The following PVALEF variants were observed in gnomAD, a reference collection of about 807,000 sequenced individuals.
PVALEF encodes the protein parvalbumin like EF-hand containing.
PVALEF carries 2 observed loss-of-function variants against 1.2 expected under a neutral mutation model. That is an observed-to-expected ratio of 1.68 (90% CI 0.69 to 5.28). The LOEUF (loss-of-function observed/expected upper bound fraction) is 5.28, where lower values mean the gene tolerates loss of function less well. Ranked by LOEUF, PVALEF falls within the 30% of genes most tolerant of loss-of-function variation. The pLI is 0.06. For synonymous variants in PVALEF, 16 were observed against 6.5 expected, an observed-to-expected ratio of 2.47 and a Z score of -2.24; for missense variants, 35 against 17.7, an observed-to-expected ratio of 1.97 and a Z score of -1.75.
rs2061495967 is a variant in PVALEF, at chr17:81,166,689, C to A, written c.-495C>A. ...GCCTCACTTGCAGGTTTCGAGGCGGCTGGCAGCCGCCCCCCCACCCCATGC... is the reference window on the plus strand; with the variant it reads ...GCCTCACTTGCAGGTTTCGAGGCGGATGGCAGCCGCCCCCCCACCCCATGC... On this transcript the variant is annotated 5_prime_UTR_variant, in exon 2 of 7. In the 5' UTR this introduces an upstream ATG that the reference lacks. Transcript: ENST00000637878. 1 of 454,346 alleles carries A rather than the reference C, an allele frequency of 2.2e-6. No individual in the cohort carries two copies. Among genetic ancestry groups the A allele is most frequent in the Non-Finnish European group, 4.4e-6 (1 of 226,736 alleles). The allele number at this position is 454,346 out of a possible 1,614,324, so 28.1% of individuals were successfully genotyped here. A position where few individuals can be genotyped will look rare whatever the true frequency, so the allele number is the denominator to read the frequency against.
At chr17:81,181,369 G>A (rs962653465) in intron 4 of PVALEF, 37 bp downstream of exon 4, 17 of 627,408 alleles carry the variant, frequency 2.7e-5, no homozygotes, top group Middle Eastern at 2.5e-4. Flanking sequence ...CCCCCCGCCC[G>A]TCCAGCCCCG....
chr17:81,170,063 T>C (rs1038830074), intron 2 of PVALEF, among the ~76,000 whole-genome samples: 1 of 151,362 alleles, frequency 6.6e-6, no homozygotes, highest in Non-Finnish European at 1.5e-5. Context: ...TGTGTGTTGG[T>C]GTGTATGTGT....
In PVALEF at chr17:81,175,736, C is replaced by G. The variant is rs184445379; in HGVS notation, c.-339-3182C>G. Reference sequence around the variant, plus strand: ...GCTGGGAAAACTAGATGTCCACATGCAAAATAATGAAATTGGGCCCTTACC... The same window carrying G: ...GCTGGGAAAACTAGATGTCCACATGGAAAATAATGAAATTGGGCCCTTACC... On this transcript the variant is annotated intron_variant, in intron 2 of 6. Coordinates refer to ENST00000637878, the MANE Select transcript of PVALEF (RefSeq NM_001354639.2). Among the ~76,000 whole-genome samples the G allele has an allele frequency of 2.0e-5, 3 of 152,256 alleles. 1 individual carries two copies. Among genetic ancestry groups the G allele is most frequent in the Admixed American group, 2.0e-4 (3 of 15,290 alleles).
intron 2 of PVALEF, among the ~76,000 whole-genome samples, chr17:81,171,957 G>A (rs539684585): frequency 7.9e-5 from 12 of 152,236 alleles, no homozygotes; most frequent in Middle Eastern, 3.4e-3. Flanking sequence ...GCACCTGCCC[G>A]TTCCCTTCTC....
intron 2 of PVALEF, among the ~76,000 whole-genome samples, chr17:81,178,543 C>T (rs2061542906): frequency 6.6e-6 from 1 of 152,160 alleles, no homozygotes; most frequent in Non-Finnish European, 1.5e-5. Flanking sequence ...GCCTCCCCAC[C>T]CCCACCGGCC....
At chr17:81,168,541 C>G (rs1483998144) in intron 2 of PVALEF, among the ~76,000 whole-genome samples, 1 of 152,186 alleles carries the variant, frequency 6.6e-6, no homozygotes, top group Non-Finnish European at 1.5e-5. Flanking sequence ...TTTGCCCACG[C>G]TGGGACAGGA....
chr17:81,168,293 C>CACAT (rs1243583887), intron 2 of PVALEF, among the ~76,000 whole-genome samples: 6 of 152,194 alleles, frequency 3.9e-5, no homozygotes, highest in African/African-American at 1.4e-4. Flanking sequence ...TGTGAACACA[C>CACAT]ACATGTACAC....
intron 2 of PVALEF, among the ~76,000 whole-genome samples, chr17:81,175,413 T>G (rs2061533348): frequency 6.6e-6 from 1 of 152,196 alleles, no homozygotes; most frequent in South Asian, 2.1e-4. Flanking sequence ...TCCCAGTGAC[T>G]TTTGCAGAAA....
In PVALEF at chr17:81,181,996, G is replaced by A. The variant is rs2061556020; in HGVS notation, c.273G>A (p.Gly91=). Residue 91 remains glycine, a synonymous_variant, in exon 6 of 7, where the codon GGG becomes GGA. Transcript: ENST00000637878. ...TCCTGTCCATCATCCCCAGCAGCGG[G>A]CCCACCACCCCGCTGACAGACGAGG... ...KYILSIIPSS[G]PTTPLTDEEA... is the part of the protein sequence containing the mutation. 8 of 398,712 alleles carry A rather than the reference G, an allele frequency of 2.0e-5. No individual in the cohort carries two copies. The East Asian group carries it at 2.8e-4, about 14-fold the overall frequency. 24.7% of individuals were successfully genotyped at this position (398,712 alleles called of 1,614,324 possible). A position where few individuals can be genotyped will look rare whatever the true frequency, so the allele number is the denominator to read the frequency against.
chr17:81,182,200 G>C (rs2061556883), intron 6 of PVALEF, 119 bp downstream of exon 6: 1 of 396,750 alleles, frequency 2.5e-6, no homozygotes, highest in South Asian at 1.4e-4. Context: ...GGAAACCCAG[G>C]CTCAGGGGTC....
chr17:81,169,913 G>A (rs984050756), intron 2 of PVALEF, among the ~76,000 whole-genome samples: 5 of 151,504 alleles, frequency 3.3e-5, no homozygotes, highest in Non-Finnish European at 7.4e-5. Flanking sequence ...GGTGTGTATC[G>A]GTTTGTGTGT....
rs796124755 is a variant in PVALEF at position 81,172,784 on chromosome 17, A to G, written c.-340+5940A>G. On this transcript the variant is annotated intron_variant, in intron 2 of 6. Coordinates refer to ENST00000637878, the MANE Select transcript of PVALEF (RefSeq NM_001354639.2). Reference sequence around the variant, plus strand: ...GTCTCAAAACAAAACAAAACAAAACAAAAAGTTGCTGGACCGTCCTCAGCT... The same window carrying G: ...GTCTCAAAACAAAACAAAACAAAACGAAAAGTTGCTGGACCGTCCTCAGCT... Among the ~76,000 whole-genome samples, 75 of 152,156 alleles carry G rather than the reference A, an allele frequency of 4.9e-4. 1 individual carries two copies. Among genetic ancestry groups the G allele is most frequent in the African/African-American group, 1.5e-3 (61 of 41,534 alleles).
Position 81,180,382 on chromosome 17 carries a change from A to G in PVALEF, c.-104-741A>G, listed in dbSNP as rs568989799. 3.3e-5 allele frequency among the ~76,000 whole-genome samples: 5 copies of G among 152,054 alleles called. No homozygotes were observed. The East Asian group carries it at 7.8e-4, about 24-fold the overall frequency. On this transcript the variant is annotated intron_variant, in intron 3 of 6. Transcript: ENST00000637878. ...GCCAGGGTTGGGGAAGGTGAGCCAG[A>G]GTCCCAGCTCTGAATGAAGTGGGGC...
At position 81,181,316 on chromosome 17, in the gene PVALEF, A is replaced by C. The variant is rs906180; in HGVS notation, c.90A>C (p.Thr30=). Residue 30 remains threonine, a synonymous_variant, in exon 4 of 7, where the codon ACA becomes ACC. Transcript: ENST00000637878. ...ACAAGGACATTGAGCTGCTGCCCACAGACATGAGACACCACGGTACAGCAT... is the reference window on the plus strand; with the variant it reads ...ACAAGGACATTGAGCTGCTGCCCACCGACATGAGACACCACGGTACAGCAT... ...LSDKDIELLP[T]DMRHHGSFNY... is the part of the protein sequence containing the mutation. The C allele has an allele frequency of 3.2e-5, 22 of 688,050 alleles. No individual in the cohort carries two copies. The East Asian group carries it at 4.3e-4, about 14-fold the overall frequency. 42.6% of individuals were successfully genotyped at this position (688,050 alleles called of 1,614,324 possible).
chr17:81,177,794 A>G (rs533340756), intron 2 of PVALEF, among the ~76,000 whole-genome samples: 1 of 152,204 alleles, frequency 6.6e-6, no homozygotes, highest in African/African-American at 2.4e-5. Context: ...TCCAAAAGCT[A>G]TTACAGATAA....
chr17:81,179,682 G>C (rs2061547111), intron 3 of PVALEF, among the ~76,000 whole-genome samples: 1 of 152,200 alleles, frequency 6.6e-6, no homozygotes, highest in African/African-American at 2.4e-5. Context: ...CCCCCGAGAG[G>C]CCTCTCTCAT....
intron 2 of PVALEF, among the ~76,000 whole-genome samples, chr17:81,178,044 TCG>T (rs2061541340): frequency 6.6e-6 from 1 of 152,290 alleles, no homozygotes; most frequent in African/African-American, 2.4e-5. Flanking sequence ...TAGACTGGAT[TCG>T]TCTCCTCATC....
Position 81,181,190 on chromosome 17 carries a change from AC to A in PVALEF, c.-33del, listed in dbSNP as rs2061552502. On this transcript the variant is annotated 5_prime_UTR_variant, in exon 4 of 7. Coordinates refer to ENST00000637878, the MANE Select transcript of PVALEF (RefSeq NM_001354639.2). ...AGCAGCACCCCCAATCCGTGCGTGC[AC>A]CCCACGAATTGACTCCCTATCCACC... 4.3e-6 allele frequency: 3 copies of A among 702,846 alleles called. No homozygotes were observed. The allele number at this position is 702,846 out of a possible 1,614,324, so 43.5% of individuals were successfully genotyped here.
chr17:81,169,692 C>T (rs914748310), intron 2 of PVALEF, among the ~76,000 whole-genome samples: 6 of 152,120 alleles, frequency 3.9e-5, no homozygotes, highest in African/African-American at 1.4e-4. Flanking sequence ...CCTGTGGCTG[C>T]GCAGCCCCAA....
Sources: allele counts gnomAD v4.1 joint callset (sites outside exome capture counted in the v4.1 genomes callset), GRCh38; gene constraint gnomAD v4.1.1; transcripts MANE v1.5; gene names NCBI Gene and HGNC (gene_info 2026-07-23, HGNC 2026-07-21).